Variants in DYNC1I1 observed in about 807,000 individuals in gnomAD.
DYNC1I1 encodes cytoplasmic dynein 1 intermediate chain 1.
A neutral mutation model predicts 86.6 loss-of-function variants in DYNC1I1; 43 were observed. The observed-to-expected ratio is 0.50, with a 90% CI of 0.39 to 0.64. The LOEUF (loss-of-function observed/expected upper bound fraction) is 0.64. Among genes scored for constraint, DYNC1I1 ranks in the 30% least tolerant of loss-of-function variants. DYNC1I1 has a pLI of 0.00. For missense variants in DYNC1I1, 604 were observed against 788.8 expected (o/e 0.77, Z 2.81); for synonymous variants, 262 against 283.7 (o/e 0.92, Z 0.77).
intron 14 of DYNC1I1, among the ~76,000 whole-genome samples, chr7:96,043,518 T>C (rs1330859815): frequency 6.7e-6 from 1 of 149,386 alleles, no homozygotes; most frequent in Non-Finnish European, 1.5e-5. Context: ...AAGGGCAAAT[T>C]GGAAGTGGAA....
At chr7:95,868,251 G>A (rs1013579082) in intron 5 of DYNC1I1, among the ~76,000 whole-genome samples, 1 of 152,154 alleles carries the variant, frequency 6.6e-6, no homozygotes, top group Non-Finnish European at 1.5e-5. Flanking sequence ...CCTCTAACCA[G>A]CGTTTGTTTG....
chr7:96,092,814 A>G (rs764965362), intron 16 of DYNC1I1, among the ~76,000 whole-genome samples: 1 of 152,090 alleles, frequency 6.6e-6, no homozygotes, highest in Non-Finnish European at 1.5e-5. Flanking sequence ...TTGCTTGTAG[A>G]CTTTTTGTCT....
At chr7:95,856,454 T>C (rs983782983) in intron 5 of DYNC1I1, among the ~76,000 whole-genome samples, 1 of 152,210 alleles carries the variant, frequency 6.6e-6, no homozygotes, top group African/African-American at 2.4e-5. Flanking sequence ...AAGCAGATAA[T>C]GTACTACAGA....
At chr7:96,091,980 A>G (rs1214030496) in intron 16 of DYNC1I1, among the ~76,000 whole-genome samples, 2 of 152,184 alleles carry the variant, frequency 1.3e-5, no homozygotes, top group Admixed American at 1.3e-4. Context: ...GTGTATAGTT[A>G]CAATAAATAC....
intron 5 of DYNC1I1, among the ~76,000 whole-genome samples, chr7:95,836,968 C>G (rs1219731665): frequency 3.3e-5 from 5 of 152,144 alleles, no homozygotes; most frequent in Admixed American, 1.3e-4. Flanking sequence ...TCTCTCAGCT[C>G]GTCAAGGTCG....
intron 6 of DYNC1I1, among the ~76,000 whole-genome samples, chr7:95,962,803 A>G (rs750710332): frequency 6.6e-6 from 1 of 152,188 alleles, no homozygotes; most frequent in Non-Finnish European, 1.5e-5. Flanking sequence ...AAAAATAGGT[A>G]GATAATTTAC....
rs1381011295 is a variant in DYNC1I1, at chr7:96,075,977, CAA to C, written c.1510-78_1510-77del. The C allele has an allele frequency of 1.8e-5, 27 of 1,535,550 alleles. No individual in the cohort carries two copies. The East Asian group carries it at 1.8e-4, about 10-fold the overall frequency. On this transcript the variant is annotated intron_variant, in intron 14 of 16. Coordinates refer to ENST00000447467, the MANE Select transcript of DYNC1I1 (RefSeq NM_001135556.2). ...AGTTTTATGACACTTTGTGAATGTGCAAAGTTTTTAATTAGGCTCTCTAGACA... is the reference window on the plus strand; with the variant it reads ...AGTTTTATGACACTTTGTGAATGTGCAGTTTTTAATTAGGCTCTCTAGACA...
intron 1 of DYNC1I1, among the ~76,000 whole-genome samples, chr7:95,789,866 A>T (rs755052169): frequency 2.6e-5 from 4 of 152,238 alleles, no homozygotes; most frequent in Admixed American, 2.6e-4. Context: ...TATAAATAAT[A>T]TGTGTATGTA....
chr7:96,085,345 G>T (rs1016925507), intron 16 of DYNC1I1, among the ~76,000 whole-genome samples: 2 of 152,090 alleles, frequency 1.3e-5, no homozygotes, highest in African/African-American at 4.8e-5. Context: ...GAAATCACCA[G>T]ACTGAGTTTG....
intron 4 of DYNC1I1, among the ~76,000 whole-genome samples, chr7:95,822,460 T>C (rs1036138893): frequency 2.6e-5 from 4 of 152,232 alleles, no homozygotes; most frequent in Admixed American, 2.0e-4. Context: ...ATGTTTTTGA[T>C]ATGTTCAAGG....
At chr7:95,955,096 A>C (rs1055084455) in intron 6 of DYNC1I1, among the ~76,000 whole-genome samples, 1 of 152,150 alleles carries the variant, frequency 6.6e-6, no homozygotes, top group Non-Finnish European at 1.5e-5. Flanking sequence ...AAGCCTTTAC[A>C]AATTTTTATA....
chr7:95,909,645 A>T (rs1458334220), intron 6 of DYNC1I1, among the ~76,000 whole-genome samples: 1 of 152,206 alleles, frequency 6.6e-6, no homozygotes, highest in Non-Finnish European at 1.5e-5. Context: ...CCCCTTGCTT[A>T]AAACCCTTCC....
At chr7:95,837,609 C>G (rs11974122) in intron 5 of DYNC1I1, 3,363 of 156,424 alleles carry the variant, frequency 0.021, 70 homozygotes, top group African/African-American at 0.076. Context: ...GCTGTGCTAG[C>G]AATCAGCCAG....
chr7:95,901,384 T>C (rs1023880339), intron 6 of DYNC1I1, among the ~76,000 whole-genome samples: 2 of 152,226 alleles, frequency 1.3e-5, no homozygotes, highest in Admixed American at 6.5e-5. Flanking sequence ...GAATGTATCA[T>C]TGCATCTGTT....
At chr7:95,844,410 T>G (rs1789372635) in intron 5 of DYNC1I1, among the ~76,000 whole-genome samples, 1 of 152,200 alleles carries the variant, frequency 6.6e-6, no homozygotes, top group Non-Finnish European at 1.5e-5. Flanking sequence ...GTTAATGTAC[T>G]TGCCTAGTGG....
chr7:96,102,646 G>A (rs1480324329), downstream of DYNC1I1, among the ~76,000 whole-genome samples: 1 of 152,214 alleles, frequency 6.6e-6, no homozygotes, highest in African/African-American at 2.4e-5. Flanking sequence ...AATGGGAAAA[G>A]ACTTTGCAGC....
intron 10 of DYNC1I1, among the ~76,000 whole-genome samples, chr7:96,027,608 G>A (rs1329190817): frequency 1.3e-5 from 2 of 152,172 alleles, no homozygotes; most frequent in African/African-American, 4.8e-5. Flanking sequence ...CCCATGGGAG[G>A]TGAGGGAATT....
At chr7:96,074,483 G>A (rs1469251635) in intron 14 of DYNC1I1, among the ~76,000 whole-genome samples, 5 of 151,042 alleles carry the variant, frequency 3.3e-5, no homozygotes, top group African/African-American at 4.9e-5. Flanking sequence ...CCCGGGAGGC[G>A]GAGCTTGCAA....
intron 10 of DYNC1I1, among the ~76,000 whole-genome samples, chr7:96,020,513 C>A (rs1181761135): frequency 6.6e-6 from 1 of 152,150 alleles, no homozygotes; most frequent in Non-Finnish European, 1.5e-5. Context: ...CCCACTGGGT[C>A]CCTCCCACAA....
Sources: gnomAD v4.1 joint callset for allele counts (sites outside exome capture counted in the v4.1 genomes callset) on GRCh38, gnomAD v4.1.1 for gene constraint, MANE v1.5 for transcripts, NCBI Gene and HGNC (gene_info 2026-07-23, HGNC 2026-07-21) for gene names.